The following PROC variants were observed in gnomAD, a reference collection of about 807,000 sequenced individuals.
PROC encodes protein C, inactivator of coagulation factors Va and VIIIa, also known as vitamin K-dependent protein C.
In PROC, 22 loss-of-function variants were observed where a neutral mutation model predicts 36.3. The ratio of observed to expected loss-of-function variants is 0.61; its 90% CI spans 0.43 to 0.86. PROC has a LOEUF of 0.86. Among genes scored for constraint, PROC ranks in the 40% least tolerant of loss-of-function variants. PROC has a pLI of 0.00. For synonymous variants in PROC, 218 were observed against 244.5 expected (o/e 0.89, Z 1.01); for missense variants, 526 against 629.7 (o/e 0.84, Z 1.76).
At chr2:127,419,187 C>A (rs1687944880) in intron 1 of PROC, among the ~76,000 whole-genome samples, 1 of 152,158 alleles carries the variant, frequency 6.6e-6, no homozygotes, top group Admixed American at 6.5e-5. Context: ...CAACGGAGAC[C>A]AGCAAGGGTT....
rs200721675 is a variant in PROC, at chr2:127,428,441, G to A, written c.881G>A (p.Ser294Asn). 55 of 1,614,050 alleles carry A rather than the reference G, an allele frequency of 3.4e-5. No homozygotes were observed. The highest frequency in any genetic ancestry group is 4.4e-5 in the Non-Finnish European group (52 of 1,180,046). ...TTCGTCCACCCCAACTACAGCAAGA[G>A]CACCACCGACAATGACATCGCACTG... ...EVFVHPNYSKSTTDNDIALLH... is the reference protein window; with the variant it reads ...EVFVHPNYSKNTTDNDIALLH... The change falls in exon 9 of 9, where the codon AGC becomes AAC. Residue 294 changes from serine to asparagine, a missense_variant. Physicochemically the swap from Ser to Asn is conservative, Grantham distance 46. Transcript: ENST00000234071.
Position 127,428,900 on chromosome 2 carries a change from G to A in PROC, c.1340G>A (p.Gly447Glu). ...AGCCGCTACCTCGACTGGATCCATG[G>A]GCACATCAGAGACAAGGAAGCCCCC... is the stretch of plus-strand genomic sequence containing the variant. ...KVSRYLDWIH[G>E]HIRDKEAPQK... Residue 447 changes from glycine to glutamate, a missense_variant, in exon 9 of 9, where the codon GGG becomes GAG. Transcript: ENST00000234071. 3 of 1,613,974 alleles carry A rather than the reference G, an allele frequency of 1.9e-6. No individual in the cohort carries two copies. Among genetic ancestry groups the A allele is most frequent in the Non-Finnish European group, 2.5e-6 (3 of 1,180,030 alleles).
At chr2:127,419,760 G>A in intron 1 of PROC, 162 bp from the exon 2 acceptor site, 1 of 1,479,992 alleles carries the variant, frequency 6.8e-7, no homozygotes, top group South Asian at 1.3e-5. Context: ...GGCAGCCGAG[G>A]CCTTCTGAGG....
Position 127,423,296 on chromosome 2 carries a change from G to T in PROC, c.423G>T (p.Ser141=), listed in dbSNP as rs5936. The T allele has an allele frequency of 0.68, 1,056,260 of 1,549,898 alleles. 362,068 individuals are homozygous for T. Among genetic ancestry groups the T allele is most frequent in the Admixed American group, 0.8 (40,901 of 51,096 alleles). ...CAGAGGTGAGCTTCCTCAATTGCTC[G>T]CTGGACAACGGCGGCTGCACGCATT... The part of the protein sequence containing the change: ...CQREVSFLNC[S]LDNGGCTHYC... The change falls in exon 6 of 9, where the codon TCG becomes TCT. Residue 141 remains serine (S), a synonymous_variant. Transcript: ENST00000234071.
At chr2:127,423,542 A>T (rs1029390914) in intron 6 of PROC, 134 bp downstream of exon 6, 1 of 1,213,200 alleles carries the variant, frequency 8.2e-7, no homozygotes, top group Non-Finnish European at 1.1e-6. Flanking sequence ...GCCTTGGGGC[A>T]GCGGCAGACG....
chr2:127,427,250 G>A, intron 8 of PROC, 28 bp downstream of exon 8: 1 of 1,590,220 alleles, frequency 6.3e-7, no homozygotes, highest in Non-Finnish European at 8.6e-7. Context: ...GCAGAAGGGG[G>A]CTGCCAGAGG....
At chr2:127,422,312 G>A (rs909671385) in intron 3 of PROC, among the ~76,000 whole-genome samples, 4 of 152,168 alleles carry the variant, frequency 2.6e-5, no homozygotes, top group Non-Finnish European at 4.4e-5. Context: ...AGTCCCCACC[G>A]TGCTCCCACC....
intron 3 of PROC, 33 bp downstream of exon 3, chr2:127,421,482 C>T (rs768738320): frequency 1.9e-6 from 3 of 1,612,570 alleles, no homozygotes; most frequent in Non-Finnish European, 2.5e-6. Flanking sequence ...GGATGAGGCT[C>T]AGGGGCGAGC....
chr2:127,420,679 A>C (rs989792544), intron 2 of PROC, among the ~76,000 whole-genome samples: 1 of 152,050 alleles, frequency 6.6e-6, no homozygotes, highest in African/African-American at 2.4e-5. Context: ...CCCTGCACCC[A>C]AGACAGACAC....
Position 127,427,140 on chromosome 2 carries a change from C to T in PROC, c.714C>T (p.Cys238=), listed in dbSNP as rs141249033. Residue 238 remains cysteine (C), a synonymous_variant, in exon 8 of 9, where the codon TGC becomes TGT. Transcript: ENST00000234071. ...TGGACTCAAAGAAGAAGCTGGCCTG[C>T]GGGGCAGTGCTCATCCACCCCTCCT... ...VLLDSKKKLA[C]GAVLIHPSWV... is the part of the protein sequence containing the mutation. 89 of 1,613,712 alleles carry T rather than the reference C, an allele frequency of 5.5e-5. No individual in the cohort carries two copies. The highest frequency in any genetic ancestry group is 6.6e-5 in the Non-Finnish European group (78 of 1,179,968).
chr2:127,421,219 C>T, intron 2 of PROC, 64 bp from the exon 3 acceptor site: 2 of 1,566,550 alleles, frequency 1.3e-6, no homozygotes, highest in Non-Finnish European at 1.8e-6. Context: ...CTCAGACCCC[C>T]TCATGGCCCC....
At chr2:127,427,286 G>C (rs1688570371) in intron 8 of PROC, 64 bp downstream of exon 8, 2 of 1,470,798 alleles carry the variant, frequency 1.4e-6, no homozygotes, top group Admixed American at 3.4e-5. Flanking sequence ...CAGGCAGGCT[G>C]TTCAGGTTTG....
rs753436021 is a variant in PROC at position 127,428,881 on chromosome 2, T to C, written c.1321T>C (p.Tyr441His). ...NYGVYTKVSR[Y>H]LDWIHGHIRD... ...CGGCGTTTACACCAAAGTCAGCCGCTACCTCGACTGGATCCATGGGCACAT... is the reference window on the plus strand; with the variant it reads ...CGGCGTTTACACCAAAGTCAGCCGCCACCTCGACTGGATCCATGGGCACAT... Residue 441 changes from tyrosine (Y) to histidine (H), a missense_variant, in exon 9 of 9, where the codon TAC (tyrosine) becomes CAC (histidine). Physicochemically the swap from Tyr to His is moderately conservative, Grantham distance 83 (BLOSUM62 2). Transcript: ENST00000234071. 27 of 1,613,754 alleles carry C rather than the reference T, an allele frequency of 1.7e-5. No individual in the cohort carries two copies. In the South Asian group the frequency reaches 3.0e-4, roughly 18 times the overall value.
At chr2:127,428,253 C>A in intron 8 of PROC, 104 bp from the exon 9 acceptor site, 1 of 1,173,988 alleles carries the variant, frequency 8.5e-7, no homozygotes, top group East Asian at 2.6e-5. Flanking sequence ...TCTTCAGGCC[C>A]TCTGCCCAGG....
chr2:127,423,904 T>C (rs1034979708), intron 6 of PROC, among the ~76,000 whole-genome samples: 2 of 152,278 alleles, frequency 1.3e-5, no homozygotes, highest in Non-Finnish European at 2.9e-5. Flanking sequence ...ATCAAATTTA[T>C]ATATGTATGA....
At chr2:127,424,696 G>T (rs938525614) in intron 6 of PROC, among the ~76,000 whole-genome samples, 6 of 152,136 alleles carry the variant, frequency 3.9e-5, no homozygotes, top group African/African-American at 1.4e-4. Context: ...AGTAAAAAAA[G>T]ATCTAAAAAT....
chr2:127,421,170 C>A, intron 2 of PROC, 113 bp from the exon 3 acceptor site: 3 of 1,094,260 alleles, frequency 2.7e-6, no homozygotes, highest in Non-Finnish European at 2.7e-6. Flanking sequence ...CTTGAGGGGG[C>A]GGAGACAAGA....
In PROC at chr2:127,428,766, T is replaced by TG. The variant is rs1333329860; in HGVS notation, c.1212dup (p.Pro405AlafsTer20). 10 of 1,612,930 alleles carry TG rather than the reference T, an allele frequency of 6.2e-6. No homozygotes were observed. Among genetic ancestry groups the TG allele is most frequent in the East Asian group, 2.2e-5 (1 of 44,878 alleles). ...GGCAGGATGCCTGCGAGGGCGACAG[T>TG]GGGGGGCCCATGGTCGCCTCCTTCC... On this transcript the variant is annotated frameshift_variant, in exon 9 of 9. Coordinates refer to ENST00000234071, the MANE Select transcript of PROC (RefSeq NM_000312.4). LOFTEE classifies it low-confidence loss of function (END_TRUNC).
Position 127,418,540 on chromosome 2 carries a change from G to T in PROC, c.-22+48G>T, listed in dbSNP as rs1558709904. 3.1e-6 allele frequency: 4 copies of T among 1,279,718 alleles called. No individual in the cohort carries two copies. In the Admixed American group the frequency reaches 6.9e-5, roughly 22 times the overall value. 79.3% of individuals were successfully genotyped at this position (1,279,718 alleles called of 1,614,324 possible). On this transcript the variant is annotated intron_variant, in intron 1 of 8. Coordinates refer to ENST00000234071, the MANE Select transcript of PROC (RefSeq NM_000312.4). This position sits in a 1 kb window ranked among gnomAD's most constrained non-coding sequence, Gnocchi z 4.8. The stretch of plus-strand genomic sequence containing the variant: ...CTATGAGGGGTGTGGAGGGAGGGCT[G>T]CCCCCGGGAGAAGAGAGCTAGGTGG...
Sources: gnomAD v4.1 joint callset for allele counts (sites outside exome capture counted in the v4.1 genomes callset) on GRCh38, gnomAD v4.1.1 for gene constraint, Gnocchi (gnomAD v3.1) non-coding constraint, MANE v1.5 for transcripts, NCBI Gene and HGNC (gene_info 2026-07-23, HGNC 2026-07-21) for gene names.